Variants in GSR observed in about 807,000 individuals in gnomAD.
GSR encodes glutathione-disulfide reductase.
GSR carries 48 observed loss-of-function variants against 56.5 expected under a neutral mutation model. The observed-to-expected ratio is 0.85, with a 90% CI of 0.67 to 1.08. The LOEUF (loss-of-function observed/expected upper bound fraction) is 1.08. GSR is among the 50% of genes least tolerant of loss of function. The pLI, the probability that GSR is intolerant of heterozygous loss-of-function variation, is 0.00. For synonymous variants in GSR, 264 were observed against 270.8 expected (o/e 0.97, Z 0.25); for missense variants, 694 against 703.3 (o/e 0.99, Z 0.15).
In GSR at chr8:30,725,990, GCAGAA is replaced by G. The variant is rs1804712317; in HGVS notation, c.306+1535_306+1539del. On this transcript the variant is annotated intron_variant, in intron 1 of 12. Transcript: ENST00000221130. Reference sequence around the variant, plus strand: ...GAGGAAGACAGAGAAAATGTGGAGAGCAGAACAGAAGTGAGAAGTGATCAAGTACT... The same window carrying G: ...GAGGAAGACAGAGAAAATGTGGAGAGCAGAAGTGAGAAGTGATCAAGTACT... Among the ~76,000 whole-genome samples the G allele has an allele frequency of 4.6e-5, 7 of 152,220 alleles. No individual in the cohort carries two copies. The South Asian group carries it at 1.2e-3, about 27-fold the overall frequency.
chr8:30,717,913 A>C (rs1176915883), intron 1 of GSR, among the ~76,000 whole-genome samples: 1 of 152,012 alleles, frequency 6.6e-6, no homozygotes, highest in Admixed American at 6.6e-5. Flanking sequence ...CAGCCTGGCC[A>C]ACATGGTGAA....
intron 5 of GSR, 113 bp downstream of exon 5, chr8:30,702,980 G>T: frequency 1.8e-6 from 2 of 1,111,826 alleles, no homozygotes; most frequent in Non-Finnish European, 2.8e-6. Flanking sequence ...TTCTCCCATG[G>T]CCTGGCTCCA....
intron 1 of GSR, among the ~76,000 whole-genome samples, chr8:30,717,686 T>C (rs1324695176): frequency 3.3e-5 from 5 of 152,084 alleles, no homozygotes; most frequent in Non-Finnish European, 7.4e-5. Flanking sequence ...CAGCCCCAGA[T>C]GGGACCAACT....
At chr8:30,679,779 C>T (rs1198129716) in intron 12 of GSR, 110 bp from the exon 13 acceptor site, 6 of 939,004 alleles carry the variant, frequency 6.4e-6, no homozygotes, top group East Asian at 5.4e-5. Context: ...GATCTCGGCT[C>T]GCTGCAACCT....
In GSR at chr8:30,708,421, A is replaced by T. The variant is rs552415165; in HGVS notation, c.423-280T>A. ...GTTTTGGCAAAGTGCCTAGAACATG[A>T]TGTGCACAGGACGTGGTGGGCACTT... On this transcript the variant is annotated intron_variant, in intron 3 of 12. Coordinates refer to ENST00000221130, the MANE Select transcript of GSR (RefSeq NM_000637.5). 1.4e-4 allele frequency among the ~76,000 whole-genome samples: 21 copies of T among 152,364 alleles called. No individual in the cohort carries two copies. The East Asian group carries it at 4.0e-3, about 29-fold the overall frequency.
At chr8:30,724,818 C>T (rs1804672758) in intron 1 of GSR, among the ~76,000 whole-genome samples, 1 of 152,124 alleles carries the variant, frequency 6.6e-6, no homozygotes, top group Non-Finnish European at 1.5e-5. Context: ...TGAGCCATCA[C>T]GCCCAGCCTA....
At chr8:30,702,155 C>G (rs897578254) in intron 5 of GSR, among the ~76,000 whole-genome samples, 3 of 151,968 alleles carry the variant, frequency 2.0e-5, no homozygotes. Context: ...AACTCTGTCT[C>G]TACTAAAGTA....
Position 30,681,749 on chromosome 8 carries a change from A to G in GSR, c.1285+181T>C, listed in dbSNP as rs182384547. ...AGAGATAGGGTGGTGTGAAGGAAAG[A>G]TACTGTACACTCAAAGTAGTAGCAG... On this transcript the variant is annotated intron_variant, in intron 11 of 12. Transcript: ENST00000221130. 5.9e-4 allele frequency among the ~76,000 whole-genome samples: 90 copies of G among 152,276 alleles called. No homozygotes were observed. The East Asian group carries it at 0.01, about 17-fold the overall frequency.
chr8:30,717,583 C>T (rs1020473848), intron 1 of GSR, among the ~76,000 whole-genome samples: 4 of 152,076 alleles, frequency 2.6e-5, no homozygotes, highest in Admixed American at 6.6e-5. Flanking sequence ...CTCATAGGAG[C>T]GTGAACCCTA....
At chr8:30,719,187 A>G (rs1586069318) in intron 1 of GSR, among the ~76,000 whole-genome samples, 1 of 144,632 alleles carries the variant, frequency 6.9e-6, no homozygotes, top group Non-Finnish European at 1.5e-5. Flanking sequence ...GCTCACTGCA[A>G]CCTCTGCCTC....
chr8:30,684,767 AGAGACAGG>A (rs1489906676), intron 9 of GSR, among the ~76,000 whole-genome samples: 1 of 151,706 alleles, frequency 6.6e-6, no homozygotes, highest in Non-Finnish European at 1.5e-5. Context: ...GTTTTTTTTT[AGAGACAGG>A]GTCTCGCTCT....
chr8:30,680,381 G>GT (rs34342136), intron 12 of GSR, among the ~76,000 whole-genome samples: 1,276 of 33,154 alleles, frequency 0.038, 99 homozygotes, highest in African/African-American at 0.069. Flanking sequence ...GGCCTCTCCT[G>GT]TTTTTTTTTT....
intron 8 of GSR, among the ~76,000 whole-genome samples, chr8:30,690,437 C>T (rs1254963849): frequency 6.6e-6 from 1 of 152,018 alleles, no homozygotes; most frequent in Non-Finnish European, 1.5e-5. Context: ...GCTGGGATTA[C>T]AGGTGTGAGC....
At chr8:30,699,380 G>A (rs531375879) in intron 6 of GSR, among the ~76,000 whole-genome samples, 2 of 151,852 alleles carry the variant, frequency 1.3e-5, no homozygotes, top group South Asian at 4.2e-4. Context: ...AGGCTGAGGC[G>A]GGCGGATCAC....
In GSR at chr8:30,681,988, G is replaced by T. The variant is rs200808360; in HGVS notation, c.1227C>A (p.Asn409Lys). The T allele has an allele frequency of 6.0e-5, 97 of 1,613,128 alleles. No homozygotes were observed. In the African/African-American group the frequency reaches 1.1e-3, roughly 19 times the overall value. ...EYKEDSKLDY[N>K]NIPTVVFSHP... ...GGCTGAAGACCACAGTTGGGATGTT[G>T]TTATAATCTAATTTGGAATCTTCCT... is the stretch of plus-strand genomic sequence containing the variant. Residue 409 changes from asparagine (N) to lysine (K), a missense_variant, in exon 11 of 13, where the codon AAC becomes AAA. Physicochemically the swap from Asn to Lys is moderately conservative, Grantham distance 94 (BLOSUM62 0). Transcript: ENST00000221130.
At chr8:30,721,064 C>A (rs2978669) in intron 1 of GSR, among the ~76,000 whole-genome samples, 116,095 of 151,524 alleles carry the variant, frequency 0.77, 48,949 homozygotes, top group Non-Finnish European at 0.94. Flanking sequence ...CCACTGCACT[C>A]CAGCCTGGGC....
rs1563535549 is a variant in GSR, at chr8:30,700,722, C to CAAAAA, written c.641-588_641-587insTTTTT. 3.8e-3 allele frequency among the ~76,000 whole-genome samples: 32 copies of CAAAAA among 8,432 alleles called. 2 individuals are homozygous for CAAAAA. Among genetic ancestry groups the CAAAAA allele is most frequent in the African/African-American group, 5.5e-3 (32 of 5,808 alleles). 5.5% of individuals were successfully genotyped at this position (8,432 alleles called of 152,430 possible). On this transcript the variant is annotated intron_variant, in intron 5 of 12. Transcript: ENST00000221130. ...CTGGGAACAGAGCAAGATTTTGTCT[C>CAAAAA]CAAAAAAAAAAAAAAAAAAAAAAAA...
intron 1 of GSR, among the ~76,000 whole-genome samples, chr8:30,719,429 T>G (rs1156576623): frequency 6.6e-6 from 1 of 152,036 alleles, no homozygotes; most frequent in African/African-American, 2.4e-5. Context: ...TTTTGAATTT[T>G]TAGGAGAGAT....
At chr8:30,718,277 GT>G (rs1461553776) in intron 1 of GSR, among the ~76,000 whole-genome samples, 1 of 152,084 alleles carries the variant, frequency 6.6e-6, no homozygotes, top group African/African-American at 2.4e-5. Flanking sequence ...TGTGCATCAG[GT>G]TGTTAGAGGG....
Sources: allele counts gnomAD v4.1 joint callset (sites outside exome capture counted in the v4.1 genomes callset), GRCh38; gene constraint gnomAD v4.1.1; transcripts MANE v1.5; gene names NCBI Gene and HGNC (gene_info 2026-07-23, HGNC 2026-07-21).